The following GRIA1 variants were observed in gnomAD, a reference collection of about 807,000 sequenced individuals.
The protein encoded by GRIA1 is glutamate ionotropic receptor AMPA type subunit 1.
Under a neutral mutation model 99.2 loss-of-function variants are expected in GRIA1, and 31 were observed. The observed-to-expected ratio is 0.31, with a 90% CI of 0.23 to 0.42. GRIA1 has a LOEUF of 0.42. Ranked by LOEUF, GRIA1 falls within the 10% of genes least tolerant of loss-of-function variation. The probability of loss-of-function intolerance (pLI) is 1.00; values close to 1 mark genes in which losing one functional copy is unlikely to be tolerated. For missense variants in GRIA1, 782 were observed against 1,157.5 expected, an observed-to-expected ratio of 0.68 and a Z score of 4.71; for synonymous variants, 438 against 432.4, an observed-to-expected ratio of 1.01 and a Z score of -0.16.
chr5:153,527,084 C>G (rs1196428824), intron 2 of GRIA1, among the ~76,000 whole-genome samples: 2 of 152,136 alleles, frequency 1.3e-5, no homozygotes, highest in Admixed American at 1.3e-4. Context: ...GGAGGCTCTT[C>G]CAAATTTAAT....
chr5:153,634,330 G>GAA (rs34497962), intron 2 of GRIA1, among the ~76,000 whole-genome samples: 20 of 143,350 alleles, frequency 1.4e-4, no homozygotes, highest in Middle Eastern at 3.6e-3. Context: ...AAAAAAAAAA[G>GAA]AAAAAAAAAA....
At chr5:153,528,605 A>G (rs1028482033) in intron 2 of GRIA1, among the ~76,000 whole-genome samples, 6 of 152,170 alleles carry the variant, frequency 3.9e-5, no homozygotes, top group Admixed American at 3.9e-4. Context: ...TGGTCCAGGG[A>G]CCACCTTTTG....
At chr5:153,778,300 G>A (rs972532463) in intron 13 of GRIA1, among the ~76,000 whole-genome samples, 2 of 151,842 alleles carry the variant, frequency 1.3e-5, no homozygotes, top group Non-Finnish European at 2.9e-5. Context: ...ATTTCAGAGA[G>A]TACCAAGAAA....
rs1754201642 is a variant in GRIA1 at position 153,647,014 on chromosome 5, G to C, written c.307G>C (p.Ala103Pro). ...CAACATGCTGACCTCCTTTTGTGGG[G>C]CCCTCCACGTCTGCTTCATTACGCC... Reference protein sequence around the residue: ...TVNMLTSFCGALHVCFITPSF... With the variant: ...TVNMLTSFCGPLHVCFITPSF... Residue 103 changes from alanine to proline, a missense_variant, in exon 3 of 16, where the codon GCC (alanine) becomes CCC (proline). Transcript: ENST00000285900. 6.2e-7 allele frequency: 1 copy of C among 1,613,796 alleles called. No individual in the cohort carries two copies. Among genetic ancestry groups the C allele is most frequent in the African/African-American group, 1.3e-5 (1 of 74,862 alleles).
chr5:153,590,695 A>T (rs1003058059), intron 2 of GRIA1, among the ~76,000 whole-genome samples: 1 of 152,182 alleles, frequency 6.6e-6, no homozygotes, highest in African/African-American at 2.4e-5. Context: ...CCTAAAAAAA[A>T]ATTTGTGAAA....
At chr5:153,676,940 C>G (rs1033154959) in intron 6 of GRIA1, 54 bp from the exon 7 acceptor site, 2 of 1,322,604 alleles carry the variant, frequency 1.5e-6, no homozygotes, top group Admixed American at 2.9e-5. Context: ...GCACCCAAAC[C>G]TGCCTTCCTG....
intron 8 of GRIA1, among the ~76,000 whole-genome samples, chr5:153,687,859 C>T (rs1368817610): frequency 6.6e-6 from 1 of 152,204 alleles, no homozygotes; most frequent in Non-Finnish European, 1.5e-5. Flanking sequence ...GTACAAATTA[C>T]CACAAACAGT....
chr5:153,570,268 ATCTGGG>A (rs1187136070), intron 2 of GRIA1, among the ~76,000 whole-genome samples: 53 of 152,332 alleles, frequency 3.5e-4, no homozygotes, highest in African/African-American at 1.1e-3. Context: ...TTCTGATTAT[ATCTGGG>A]AGAGAAATAA....
chr5:153,627,191 C>T (rs1561704487), intron 2 of GRIA1, among the ~76,000 whole-genome samples: 1 of 152,134 alleles, frequency 6.6e-6, no homozygotes, highest in Non-Finnish European at 1.5e-5. Flanking sequence ...ACTGCAGCAA[C>T]AGAAACAATA....
intron 2 of GRIA1, among the ~76,000 whole-genome samples, chr5:153,630,312 C>T (rs1227555236): frequency 6.6e-6 from 1 of 152,084 alleles, no homozygotes; most frequent in African/African-American, 2.4e-5. Context: ...GCCAGGTTCT[C>T]CAGATCCTCA....
At chr5:153,644,421 G>C (rs1753988982) in intron 2 of GRIA1, among the ~76,000 whole-genome samples, 1 of 152,132 alleles carries the variant, frequency 6.6e-6, no homozygotes, top group African/African-American at 2.4e-5. Context: ...TCACATCTCT[G>C]TTTGGGTTCA....
At chr5:153,565,949 G>A (rs2149357468) in intron 2 of GRIA1, among the ~76,000 whole-genome samples, 1 of 152,188 alleles carries the variant, frequency 6.6e-6, no homozygotes, top group Non-Finnish European at 1.5e-5. Flanking sequence ...TTTACAAGTT[G>A]TCATGTGGCC....
intron 5 of GRIA1, among the ~76,000 whole-genome samples, chr5:153,668,273 G>A (rs1005072486): frequency 1.3e-5 from 2 of 152,118 alleles, no homozygotes; most frequent in Admixed American, 6.5e-5. Context: ...CAATATGAAG[G>A]GTTTGGTCTT....
At chr5:153,569,550 C>T (rs1456402482) in intron 2 of GRIA1, among the ~76,000 whole-genome samples, 2 of 152,094 alleles carry the variant, frequency 1.3e-5, no homozygotes, top group Non-Finnish European at 2.9e-5. Context: ...GAGCCTGGCC[C>T]GCCTGAACCT....
intron 11 of GRIA1, among the ~76,000 whole-genome samples, chr5:153,743,979 A>G (rs1761985657): frequency 6.6e-6 from 1 of 152,138 alleles, no homozygotes; most frequent in Non-Finnish European, 1.5e-5. Flanking sequence ...ACATAATATC[A>G]TGTCCCAGCT....
At chr5:153,737,902 ACTCTCCCAGGGC>A (rs1023654769) in intron 11 of GRIA1, among the ~76,000 whole-genome samples, 34 of 151,848 alleles carry the variant, frequency 2.2e-4, no homozygotes, top group Middle Eastern at 6.8e-3. Context: ...GGCATTTTTC[ACTCTCCCAGGGC>A]CTACCCCATT....
chr5:153,729,316 A>G (rs1760833516), intron 11 of GRIA1, among the ~76,000 whole-genome samples: 1 of 152,064 alleles, frequency 6.6e-6, no homozygotes, highest in Non-Finnish European at 1.5e-5. Flanking sequence ...GCACACCAGC[A>G]TGGCACATGT....
chr5:153,798,976 C>T (rs529661888), intron 14 of GRIA1, among the ~76,000 whole-genome samples: 28 of 152,272 alleles, frequency 1.8e-4, no homozygotes, highest in East Asian at 1.2e-3. Flanking sequence ...ACAAGCCCAG[C>T]GATTCTGCAA....
intron 11 of GRIA1, among the ~76,000 whole-genome samples, chr5:153,749,917 C>G (rs1047077024): frequency 6.6e-6 from 1 of 152,132 alleles, no homozygotes; most frequent in Non-Finnish European, 1.5e-5. Flanking sequence ...CACCAGCTTA[C>G]AGAGTACTGG....
Sources: allele counts gnomAD v4.1 joint callset (sites outside exome capture counted in the v4.1 genomes callset), GRCh38; gene constraint gnomAD v4.1.1; transcripts MANE v1.5; gene names NCBI Gene and HGNC (gene_info 2026-07-23, HGNC 2026-07-21).